Variants in TMCO4 observed in about 807,000 individuals in gnomAD.
The protein encoded by TMCO4 is transmembrane and coiled-coil domains 4.
TMCO4 carries 58 observed loss-of-function variants against 64.7 expected under a neutral mutation model. That is an observed-to-expected ratio of 0.90 (90% CI 0.73 to 1.12). TMCO4 has a LOEUF of 1.12. Among genes scored for constraint, TMCO4 ranks in the 50% most tolerant of loss-of-function variants. TMCO4 has a pLI of 0.00. For missense variants in TMCO4, 780 were observed against 825.9 expected (o/e 0.94, Z 0.68); for synonymous variants, 325 against 346.1 (o/e 0.94, Z 0.68).
intron 2 of TMCO4, among the ~76,000 whole-genome samples, chr1:19,797,871 AAAAG>A (rs1477970493): frequency 6.8e-5 from 10 of 147,592 alleles, no homozygotes; most frequent in Non-Finnish European, 1.5e-4. Flanking sequence ...CAAAAAAAAA[AAAAG>A]AGAGAAGAAA....
chr1:19,737,216 G>A (rs1271673692), intron 13 of TMCO4, among the ~76,000 whole-genome samples, 156 bp downstream of exon 13: 7 of 152,192 alleles, frequency 4.6e-5, no homozygotes, highest in Admixed American at 2.6e-4. Flanking sequence ...GGTTGATGAC[G>A]ATTTTTCTTG....
intron 13 of TMCO4, among the ~76,000 whole-genome samples, chr1:19,727,665 G>C (rs898981829): frequency 6.6e-6 from 1 of 152,136 alleles, no homozygotes; most frequent in African/African-American, 2.4e-5. Flanking sequence ...TAGGAGCTCT[G>C]CTAAAAATAG....
chr1:19,796,857 G>A (rs1488808244), intron 2 of TMCO4, among the ~76,000 whole-genome samples: 1 of 152,170 alleles, frequency 6.6e-6, no homozygotes, highest in Non-Finnish European at 1.5e-5. Context: ...ACAGGTGTGA[G>A]CCACCACGCC....
At chr1:19,754,289 T>A (rs1020494804) in intron 7 of TMCO4, among the ~76,000 whole-genome samples, 10 of 152,182 alleles carry the variant, frequency 6.6e-5, no homozygotes, top group African/African-American at 2.4e-4. Flanking sequence ...GCATATAAGA[T>A]CCTATAAATT....
At chr1:19,798,380 C>A (rs1347853941) in intron 1 of TMCO4, among the ~76,000 whole-genome samples, 165 bp from the exon 2 acceptor site, 1 of 152,174 alleles carries the variant, frequency 6.6e-6, no homozygotes, top group Non-Finnish European at 1.5e-5. Flanking sequence ...TCTCCAGACC[C>A]CAGCTTTTGT....
chr1:19,752,657 T>C (rs546151114), intron 7 of TMCO4, among the ~76,000 whole-genome samples: 30 of 152,244 alleles, frequency 2.0e-4, no homozygotes, highest in African/African-American at 5.3e-4. Context: ...TCATTATCTT[T>C]CTTGTTTTCT....
In TMCO4 at chr1:19,764,943, T is replaced by G. The variant is rs61768313; in HGVS notation, c.382+5599A>C. Among the ~76,000 whole-genome samples the G allele has an allele frequency of 2.6e-5, 4 of 150,984 alleles. 1 individual carries two copies. Among genetic ancestry groups the G allele is most frequent in the African/African-American group, 9.8e-5 (4 of 41,000 alleles). ...CACAACCTAAGACTAACACCTCAAG[T>G]CTTTCTGATTCATCAGGGAGGCAGG... On this transcript the variant is annotated intron_variant, in intron 6 of 15. Coordinates refer to ENST00000294543, the MANE Select transcript of TMCO4 (RefSeq NM_181719.7).
chr1:19,797,608 C>G (rs563808502), intron 2 of TMCO4, among the ~76,000 whole-genome samples: 2 of 152,162 alleles, frequency 1.3e-5, no homozygotes, highest in East Asian at 3.9e-4. Flanking sequence ...CGGTGGCTCA[C>G]GCCTGTAATC....
intron 10 of TMCO4, among the ~76,000 whole-genome samples, chr1:19,744,505 C>A (rs2041674969): frequency 6.6e-6 from 1 of 152,174 alleles, no homozygotes; most frequent in African/African-American, 2.4e-5. Flanking sequence ...ACATACTGAT[C>A]TCTCACTCAC....
Position 19,773,701 on chromosome 1 carries a change from G to A in TMCO4, c.180-2219C>T, listed in dbSNP as rs567256115. 6.7e-4 allele frequency among the ~76,000 whole-genome samples: 102 copies of A among 152,290 alleles called. 1 individual carries two copies. The South Asian group carries it at 0.011, about 17-fold the overall frequency. ...CTCAGTGTCCTTATCTGCAAAATGG[G>A]TTCAAGAGACCAACTTCATAAGGTT... is the stretch of plus-strand genomic sequence containing the variant. On this transcript the variant is annotated intron_variant, in intron 4 of 15. Coordinates refer to ENST00000294543, the MANE Select transcript of TMCO4 (RefSeq NM_181719.7).
At chr1:19,776,041 A>T (rs762856794) in intron 4 of TMCO4, among the ~76,000 whole-genome samples, 2 of 152,144 alleles carry the variant, frequency 1.3e-5, no homozygotes, top group Non-Finnish European at 1.5e-5. Flanking sequence ...CCAAGTAGCT[A>T]GGATTACAGG....
chr1:19,713,167 G>A (rs773794153), intron 13 of TMCO4, among the ~76,000 whole-genome samples: 6 of 152,174 alleles, frequency 3.9e-5, no homozygotes, highest in Non-Finnish European at 7.3e-5. Context: ...AAGGGGTGGG[G>A]AAACAGACTA....
intron 6 of TMCO4, among the ~76,000 whole-genome samples, chr1:19,765,472 G>C (rs1465823497): frequency 1.4e-5 from 2 of 142,282 alleles, no homozygotes; most frequent in Admixed American, 1.4e-4. Context: ...GCCATTTCTG[G>C]TTATCGCAGC....
intron 13 of TMCO4, among the ~76,000 whole-genome samples, chr1:19,729,384 G>C (rs1022208919): frequency 6.6e-6 from 1 of 151,490 alleles, no homozygotes; most frequent in Admixed American, 6.6e-5. Context: ...CTGGCCTCAA[G>C]TGATCTGCCC....
intron 7 of TMCO4, among the ~76,000 whole-genome samples, chr1:19,751,576 A>C (rs1299028689): frequency 6.6e-6 from 1 of 152,218 alleles, no homozygotes; most frequent in African/African-American, 2.4e-5. Flanking sequence ...ACTGCACTCC[A>C]GTCTGGGTGA....
At chr1:19,755,544 C>T in intron 7 of TMCO4, 90 bp downstream of exon 7, 3 of 1,552,572 alleles carry the variant, frequency 1.9e-6, no homozygotes, top group South Asian at 1.2e-5. Flanking sequence ...ACTACACCAT[C>T]TCTTAAAGGG....
chr1:19,752,806 A>C (rs1310672061), intron 7 of TMCO4, among the ~76,000 whole-genome samples: 2 of 151,114 alleles, frequency 1.3e-5, no homozygotes, highest in Non-Finnish European at 2.9e-5. Flanking sequence ...CACCCCTCTG[A>C]CTTTATTTCT....
intron 8 of TMCO4, 49 bp downstream of exon 8, chr1:19,747,114 C>A: frequency 6.3e-7 from 1 of 1,585,320 alleles, no homozygotes; most frequent in Non-Finnish European, 8.7e-7. Flanking sequence ...GGCATCATTT[C>A]TCTGTCTACA....
intron 6 of TMCO4, among the ~76,000 whole-genome samples, chr1:19,764,497 G>T (rs796371253): frequency 8.9e-4 from 135 of 152,350 alleles, no homozygotes; most frequent in African/African-American, 3.1e-3. Flanking sequence ...ATACACAGCA[G>T]GTGTCAGTTC....
Sources: allele counts gnomAD v4.1 joint callset (sites outside exome capture counted in the v4.1 genomes callset), GRCh38; gene constraint gnomAD v4.1.1; transcripts MANE v1.5; gene names NCBI Gene and HGNC (gene_info 2026-07-23, HGNC 2026-07-21).